Variants in KCND2 observed in about 807,000 individuals in gnomAD.
The protein encoded by KCND2 is A-type voltage-gated potassium channel KCND2.
KCND2 carries 16 observed loss-of-function variants against 54.4 expected under a neutral mutation model. The observed-to-expected ratio is 0.29, with a 90% CI of 0.20 to 0.45. KCND2 has a LOEUF of 0.45. KCND2 is among the 20% of genes least tolerant of loss of function. The pLI is 1.00. For synonymous variants in KCND2, 317 were observed against 310.7 expected, an observed-to-expected ratio of 1.02 and a Z score of -0.21; for missense variants, 486 against 824.2, an observed-to-expected ratio of 0.59 and a Z score of 5.02.
At chr7:120,717,978 C>T (rs920920822) in intron 1 of KCND2, among the ~76,000 whole-genome samples, 8 of 152,064 alleles carry the variant, frequency 5.3e-5, no homozygotes, top group Non-Finnish European at 8.8e-5. Context: ...CTCCTTCTCC[C>T]CCCTGCACCA....
intron 1 of KCND2, among the ~76,000 whole-genome samples, chr7:120,702,892 A>G (rs1320031552): frequency 6.6e-6 from 1 of 152,116 alleles, no homozygotes; most frequent in Non-Finnish European, 1.5e-5. Context: ...TCACAGGTTT[A>G]CCTATATAAC....
At chr7:120,347,709 A>G (rs1480674360) in intron 1 of KCND2, among the ~76,000 whole-genome samples, 2 of 151,774 alleles carry the variant, frequency 1.3e-5, no homozygotes, top group Admixed American at 6.6e-5. Context: ...GTGAGGAGAG[A>G]TCACACCATC....
chr7:120,675,454 G>A (rs1792048382), intron 1 of KCND2, among the ~76,000 whole-genome samples: 1 of 151,428 alleles, frequency 6.6e-6, no homozygotes, highest in South Asian at 2.1e-4. Flanking sequence ...GGCCAGGCTG[G>A]TCTCAAACTC....
chr7:120,695,416 A>G (rs1792321502), intron 1 of KCND2, among the ~76,000 whole-genome samples: 1 of 152,170 alleles, frequency 6.6e-6, no homozygotes, highest in Non-Finnish European at 1.5e-5. Context: ...TTCTCTGCCA[A>G]TGAGACTATG....
At chr7:120,552,851 G>A (rs887296525) in intron 1 of KCND2, among the ~76,000 whole-genome samples, 2 of 152,040 alleles carry the variant, frequency 1.3e-5, no homozygotes, top group African/African-American at 4.8e-5. Flanking sequence ...TCCTTTGAAT[G>A]TTTCACTCTT....
chr7:120,524,909 G>A (rs1222829886), intron 1 of KCND2, among the ~76,000 whole-genome samples: 5 of 152,068 alleles, frequency 3.3e-5, no homozygotes, highest in African/African-American at 9.7e-5. Flanking sequence ...TTTACACCAC[G>A]TCTGGCTCTG....
At chr7:120,504,304 C>T (rs1802983041) in intron 1 of KCND2, among the ~76,000 whole-genome samples, 1 of 151,770 alleles carries the variant, frequency 6.6e-6, no homozygotes, top group Admixed American at 6.6e-5. Flanking sequence ...CAGAGAGTCC[C>T]TTATTAGGCT....
chr7:120,621,630 G>A (rs1793100204), intron 1 of KCND2, among the ~76,000 whole-genome samples: 2 of 152,162 alleles, frequency 1.3e-5, no homozygotes, highest in African/African-American at 4.8e-5. Context: ...ACCTAGTCAT[G>A]ATATTAAATA....
intron 1 of KCND2, among the ~76,000 whole-genome samples, chr7:120,437,612 C>T (rs1047060191): frequency 1.3e-5 from 2 of 152,000 alleles, no homozygotes; most frequent in African/African-American, 2.4e-5. Context: ...AACCAACCCC[C>T]TAGAGATAAA....
intron 1 of KCND2, among the ~76,000 whole-genome samples, chr7:120,357,023 G>C (rs945066584): frequency 3.9e-5 from 6 of 152,140 alleles, no homozygotes; most frequent in African/African-American, 1.4e-4. Flanking sequence ...CCCATAGTAA[G>C]CTCTTTATTT....
chr7:120,521,355 T>C (rs1224311677), intron 1 of KCND2, among the ~76,000 whole-genome samples: 1 of 152,180 alleles, frequency 6.6e-6, no homozygotes, highest in East Asian at 1.9e-4. Context: ...CAAATGTTTT[T>C]ATTTTTCAAG....
At chr7:120,730,852 G>A (rs1011124215) in intron 1 of KCND2, among the ~76,000 whole-genome samples, 1 of 152,140 alleles carries the variant, frequency 6.6e-6, no homozygotes, top group African/African-American at 2.4e-5. Context: ...ACAAAACAAT[G>A]TTAGAGTGAC....
chr7:120,518,557 G>T (rs1226183434), intron 1 of KCND2, among the ~76,000 whole-genome samples: 1 of 152,102 alleles, frequency 6.6e-6, no homozygotes, highest in African/African-American at 2.4e-5. Flanking sequence ...CAAGAATAAA[G>T]TTAGGTGTAC....
At chr7:120,687,151 C>A (rs1298829719) in intron 1 of KCND2, among the ~76,000 whole-genome samples, 1 of 152,040 alleles carries the variant, frequency 6.6e-6, no homozygotes, top group Non-Finnish European at 1.5e-5. Context: ...AAGCCAGACA[C>A]GGAAGGACAA....
intron 1 of KCND2, among the ~76,000 whole-genome samples, chr7:120,635,262 A>G (rs950001854): frequency 6.6e-6 from 1 of 152,224 alleles, no homozygotes; most frequent in African/African-American, 2.4e-5. Flanking sequence ...GATGTAGCAG[A>G]TAAGTGAAGA....
chr7:120,609,518 A>G (rs1392898286), intron 1 of KCND2, among the ~76,000 whole-genome samples: 1 of 152,100 alleles, frequency 6.6e-6, no homozygotes, highest in Admixed American at 6.6e-5. Context: ...GTCATCCACT[A>G]TTCTCCCGTA....
chr7:120,557,854 G>T (rs1397561831), intron 1 of KCND2, among the ~76,000 whole-genome samples: 1 of 152,046 alleles, frequency 6.6e-6, no homozygotes, highest in African/African-American at 2.4e-5. Flanking sequence ...ATCCTAGTTT[G>T]GCTGGCAGAT....
At chr7:120,408,368 C>T (rs535495715) in intron 1 of KCND2, among the ~76,000 whole-genome samples, 1 of 151,872 alleles carries the variant, frequency 6.6e-6, no homozygotes, top group African/African-American at 2.4e-5. Context: ...ATAATTCAGA[C>T]ATATATCTCG....
At chr7:120,405,851 C>T (rs11765076) in intron 1 of KCND2, among the ~76,000 whole-genome samples, 15,758 of 151,992 alleles carry the variant, frequency 0.1, 857 homozygotes, top group Admixed American at 0.13. Context: ...GGTTTAGACA[C>T]CAGGAAAGCT....
Sources: gnomAD v4.1 joint callset for allele counts (sites outside exome capture counted in the v4.1 genomes callset) on GRCh38, gnomAD v4.1.1 for gene constraint, MANE v1.5 for transcripts, NCBI Gene and HGNC (gene_info 2026-07-23, HGNC 2026-07-21) for gene names.